MRPS28: variants seen among roughly 807,000 people sequenced by gnomAD.
The protein encoded by MRPS28 is mitochondrial ribosomal protein S28, also known as small ribosomal subunit protein bS1m.
In MRPS28, 7 loss-of-function variants were observed where a neutral mutation model predicts 10.8. That is an observed-to-expected ratio of 0.65 (90% CI 0.37 to 1.22). The LOEUF is 1.22. Ranked by LOEUF, MRPS28 falls within the 50% of genes most tolerant of loss-of-function variation. The pLI, the probability that MRPS28 is intolerant of heterozygous loss-of-function variation, is 0.02. For synonymous variants in MRPS28, 121 were observed against 93.3 expected, an observed-to-expected ratio of 1.30 and a Z score of -1.71; for missense variants, 265 against 232.9, an observed-to-expected ratio of 1.14 and a Z score of -0.90.
At chr8:79,938,758 G>A (rs1806678298) in intron 2 of MRPS28, among the ~76,000 whole-genome samples, 3 of 152,262 alleles carry the variant, frequency 2.0e-5, no homozygotes, top group Non-Finnish European at 4.4e-5. Context: ...ACCTTAGACT[G>A]TCAAATATAC....
At chr8:79,986,850 C>T (rs2130103931) in intron 2 of MRPS28, among the ~76,000 whole-genome samples, 1 of 152,076 alleles carries the variant, frequency 6.6e-6, no homozygotes, top group Non-Finnish European at 1.5e-5. Flanking sequence ...GCCATACTGC[C>T]CAAGGTAATT....
At chr8:79,971,046 A>G (rs1807619171) in intron 2 of MRPS28, among the ~76,000 whole-genome samples, 1 of 152,344 alleles carries the variant, frequency 6.6e-6, no homozygotes, top group East Asian at 1.9e-4. Context: ...GGAGAGGAGG[A>G]CAGCAGGATT....
intron 2 of MRPS28, among the ~76,000 whole-genome samples, chr8:79,949,604 T>C (rs1052704930): frequency 2.0e-5 from 3 of 152,168 alleles, no homozygotes; most frequent in Non-Finnish European, 4.4e-5. Flanking sequence ...ATATCTCCTA[T>C]AATCAGATAT....
At chr8:80,025,622 T>C (rs1476927333) in intron 1 of MRPS28, among the ~76,000 whole-genome samples, 1 of 152,200 alleles carries the variant, frequency 6.6e-6, no homozygotes, top group Non-Finnish European at 1.5e-5. Context: ...AAAATAGTCA[T>C]ACTTAGGTAA....
At chr8:79,984,952 C>T (rs971379518) in intron 2 of MRPS28, among the ~76,000 whole-genome samples, 21 of 152,154 alleles carry the variant, frequency 1.4e-4, no homozygotes, top group Non-Finnish European at 2.2e-4. Flanking sequence ...AATTCTCCAC[C>T]CCAAATCAAC....
chr8:79,949,028 T>C (rs2129961899), intron 2 of MRPS28, among the ~76,000 whole-genome samples: 1 of 152,332 alleles, frequency 6.6e-6, no homozygotes, highest in East Asian at 1.9e-4. Flanking sequence ...TGTTTACTCC[T>C]GTTTGACAAT....
chr8:79,960,082 C>T (rs977877180), intron 2 of MRPS28, among the ~76,000 whole-genome samples: 1 of 152,092 alleles, frequency 6.6e-6, no homozygotes, highest in East Asian at 1.9e-4. Context: ...GGGGTTTAGG[C>T]TGGCCTTTCC....
chr8:79,919,289 A>G, intron 2 of MRPS28, 141 bp from the exon 3 acceptor site: 1 of 573,280 alleles, frequency 1.7e-6, no homozygotes, highest in East Asian at 3.3e-5. Context: ...AAATAGCTGT[A>G]TTTGACAAAA....
At chr8:79,943,740 T>C (rs1016498310) in intron 2 of MRPS28, among the ~76,000 whole-genome samples, 1 of 152,184 alleles carries the variant, frequency 6.6e-6, no homozygotes, top group Non-Finnish European at 1.5e-5. Flanking sequence ...TCTGCATACA[T>C]TCAATATGAA....
At chr8:80,018,412 T>G (rs957223522) in intron 1 of MRPS28, among the ~76,000 whole-genome samples, 2 of 148,938 alleles carry the variant, frequency 1.3e-5, no homozygotes, top group African/African-American at 5.0e-5. Flanking sequence ...ATCAGAGAAA[T>G]GCAAATCAAA....
chr8:79,974,433 G>C (rs143412211), intron 2 of MRPS28, among the ~76,000 whole-genome samples: 3,255 of 151,880 alleles, frequency 0.021, 55 homozygotes, highest in Non-Finnish European at 0.035. Context: ...CCAGCTACTC[G>C]GGAGGCTGAG....
chr8:79,998,972 TTTAA>T (rs1386221409), intron 2 of MRPS28, among the ~76,000 whole-genome samples: 2 of 152,228 alleles, frequency 1.3e-5, no homozygotes, highest in African/African-American at 2.4e-5. Context: ...TTTCATTGTA[TTTAA>T]TTAATCTTTA....
At chr8:79,999,317 T>C (rs1007791784) in intron 2 of MRPS28, among the ~76,000 whole-genome samples, 1 of 152,206 alleles carries the variant, frequency 6.6e-6, no homozygotes, top group African/African-American at 2.4e-5. Context: ...CTGGATCTCA[T>C]TACTTCCTTG....
chr8:79,998,511 TTAAGGTC>T (rs1344464593), intron 2 of MRPS28, among the ~76,000 whole-genome samples: 2 of 152,238 alleles, frequency 1.3e-5, no homozygotes, highest in Non-Finnish European at 2.9e-5. Flanking sequence ...AATGCTACTA[TTAAGGTC>T]ATGTCTTTCT....
Position 80,020,326 on chromosome 8 carries a change from C to T in MRPS28, c.213+9710G>A, listed in dbSNP as rs534104284. 2.6e-4 allele frequency among the ~76,000 whole-genome samples: 40 copies of T among 152,280 alleles called. No individual in the cohort carries two copies. The South Asian group carries it at 7.7e-3, about 29-fold the overall frequency. On this transcript the variant is annotated intron_variant, in intron 1 of 2. Transcript: ENST00000276585. ...GAAAGGAGGGAGGTATAATGAGGCA[C>T]GTCTGGCTCCCCCTTCCCATCACGG...
intron 2 of MRPS28, among the ~76,000 whole-genome samples, chr8:80,001,469 A>G (rs1808659046): frequency 6.6e-6 from 1 of 152,220 alleles, no homozygotes; most frequent in Admixed American, 6.5e-5. Context: ...CAGGATTTTA[A>G]TAATAACAAT....
intron 1 of MRPS28, among the ~76,000 whole-genome samples, chr8:80,019,498 C>T (rs1056906453): frequency 2.6e-5 from 4 of 151,344 alleles, no homozygotes; most frequent in African/African-American, 9.7e-5. Flanking sequence ...GCTTCAACTT[C>T]CTAAAGAATA....
At chr8:79,958,141 C>T in intron 2 of MRPS28, 4 of 459,320 alleles carry the variant, frequency 8.7e-6, no homozygotes, top group Non-Finnish European at 1.5e-5. Flanking sequence ...AAAAGAAACC[C>T]TGTACTCATT....
At chr8:79,919,982 T>A (rs954295152) in intron 2 of MRPS28, among the ~76,000 whole-genome samples, 23 of 127,514 alleles carry the variant, frequency 1.8e-4, no homozygotes, top group Admixed American at 5.9e-4. Flanking sequence ...GATGTTCCCC[T>A]TCCTGTGTCC....
Sources: gnomAD v4.1 joint callset for allele counts (sites outside exome capture counted in the v4.1 genomes callset) on GRCh38, gnomAD v4.1.1 for gene constraint, MANE v1.5 for transcripts, NCBI Gene and HGNC (gene_info 2026-07-23, HGNC 2026-07-21) for gene names.